CSMD3: variants seen among roughly 807,000 people sequenced by gnomAD.
The protein encoded by CSMD3 is CUB and sushi domain-containing protein 3.
In CSMD3, 177 loss-of-function variants were observed where a neutral mutation model predicts 435.2. The observed-to-expected ratio is 0.41, with a 90% CI of 0.36 to 0.46. The LOEUF is 0.46. CSMD3 is among the 20% of genes least tolerant of loss of function. The pLI is 0.34. For synonymous variants in CSMD3, 1,656 were observed against 1,520.5 expected (o/e 1.09, Z -2.07); for missense variants, 4,265 against 4,504.6 (o/e 0.95, Z 1.52).
intron 13 of CSMD3, among the ~76,000 whole-genome samples, chr8:112,720,316 TTTTCTTTTC>T (rs1345859368): frequency 2.9e-5 from 2 of 69,770 alleles, no homozygotes; most frequent in African/African-American, 9.5e-5. Context: ...TTTTCTTTTC[TTTTCTTTTC>T]TTTTTTTTTC....
At chr8:112,353,609 A>T (rs1316647459) in intron 38 of CSMD3, among the ~76,000 whole-genome samples, 1 of 152,186 alleles carries the variant, frequency 6.6e-6, no homozygotes, top group South Asian at 2.1e-4. Flanking sequence ...TCTAGAGTCA[A>T]TGAATAAATC....
At chr8:112,951,911 AAG>A (rs1251597556) in intron 8 of CSMD3, among the ~76,000 whole-genome samples, 1 of 151,246 alleles carries the variant, frequency 6.6e-6, no homozygotes, top group African/African-American at 2.4e-5. Flanking sequence ...TTTGAAGAAA[AAG>A]AAAGAAAACA....
chr8:113,284,223 C>A (rs1239741105), intron 2 of CSMD3, among the ~76,000 whole-genome samples: 2 of 151,940 alleles, frequency 1.3e-5, no homozygotes, highest in Non-Finnish European at 2.9e-5. Context: ...TACCCCAATA[C>A]TTATGGAAAA....
At chr8:113,148,955 A>G (rs2091742259) in intron 4 of CSMD3, among the ~76,000 whole-genome samples, 1 of 151,780 alleles carries the variant, frequency 6.6e-6, no homozygotes, top group South Asian at 2.1e-4. Context: ...ATACATATAT[A>G]CATATATATG....
chr8:112,650,113 TTTTCTGTTTATAAATCAGC>T (rs762608637), intron 19 of CSMD3, 29 bp downstream of exon 19: 1 of 1,341,808 alleles, frequency 7.5e-7, no homozygotes, highest in Non-Finnish European at 1.1e-6. Context: ...CTACATTGAT[TTTTCTGTTTATAAATCAGC>T]ATATTTTGCA....
At chr8:112,783,789 G>C (rs1371123380) in intron 13 of CSMD3, among the ~76,000 whole-genome samples, 3 of 151,342 alleles carry the variant, frequency 2.0e-5, no homozygotes, top group African/African-American at 7.3e-5. Flanking sequence ...AGCAGGAGTG[G>C]CTATACTTAT....
intron 9 of CSMD3, among the ~76,000 whole-genome samples, chr8:112,925,689 G>T (rs572186937): frequency 3.3e-5 from 5 of 152,148 alleles, no homozygotes; most frequent in Non-Finnish European, 7.4e-5. Context: ...GATAAAGAAG[G>T]TAGGAAGAAA....
At chr8:112,359,074 A>C (rs1054020892) in intron 38 of CSMD3, among the ~76,000 whole-genome samples, 5 of 152,132 alleles carry the variant, frequency 3.3e-5, no homozygotes, top group African/African-American at 1.2e-4. Context: ...ATTATTAAAA[A>C]CTTTTCATCT....
chr8:112,982,064 G>C (rs138129644), intron 6 of CSMD3, among the ~76,000 whole-genome samples: 2 of 151,766 alleles, frequency 1.3e-5, no homozygotes, highest in African/African-American at 4.8e-5. Context: ...TCAAAAGATC[G>C]TTTCTTGCTT....
intron 23 of CSMD3, among the ~76,000 whole-genome samples, chr8:112,586,334 A>G (rs1167895592): frequency 6.6e-6 from 1 of 151,508 alleles, no homozygotes; most frequent in African/African-American, 2.4e-5. Context: ...AAAAACATTT[A>G]AATGTGATTT....
chr8:113,400,657 C>G (rs1393959554), intron 1 of CSMD3, among the ~76,000 whole-genome samples: 3 of 151,786 alleles, frequency 2.0e-5, no homozygotes, highest in Non-Finnish European at 3.0e-5. Context: ...CCAATTATTT[C>G]ATGAGGATAT....
In CSMD3 at chr8:112,663,325, T is replaced by C. The variant is rs1383302450; in HGVS notation, c.2816+2952A>G. The stretch of plus-strand genomic sequence containing the variant: ...GCAGCCATAAAAAATGATGAGTTCA[T>C]GTCCTTTGTAGGGACATGGATGAAG... On this transcript the variant is annotated intron_variant, in intron 17 of 70. Transcript: ENST00000297405. Among the ~76,000 whole-genome samples the C allele has an allele frequency of 2.0e-5, 3 of 152,048 alleles. No homozygotes were observed. In the East Asian group the frequency reaches 5.8e-4, roughly 29 times the overall value.
intron 27 of CSMD3, among the ~76,000 whole-genome samples, chr8:112,537,379 G>T (rs1308303802): frequency 6.8e-6 from 1 of 146,654 alleles, no homozygotes; most frequent in Non-Finnish European, 1.5e-5. Flanking sequence ...TAGAAGGAAA[G>T]AAATTATAAA....
intron 5 of CSMD3, among the ~76,000 whole-genome samples, chr8:113,075,954 G>C (rs924696007): frequency 6.6e-6 from 1 of 151,684 alleles, no homozygotes; most frequent in African/African-American, 2.4e-5. Flanking sequence ...TAATAGACTA[G>C]GTGATTTAAA....
intron 32 of CSMD3, among the ~76,000 whole-genome samples, chr8:112,438,963 A>G (rs577809870): frequency 6.6e-6 from 1 of 152,238 alleles, no homozygotes; most frequent in African/African-American, 2.4e-5. Context: ...GCCCTTAGTC[A>G]TTGTCTTGTA....
chr8:112,433,468 C>T (rs543695284), intron 32 of CSMD3, among the ~76,000 whole-genome samples: 1 of 151,252 alleles, frequency 6.6e-6, no homozygotes, highest in African/African-American at 2.4e-5. Flanking sequence ...CCAGCCTGGG[C>T]AACATAGTAA....
chr8:112,394,566 CTG>C (rs1830712091), intron 35 of CSMD3, among the ~76,000 whole-genome samples: 2 of 152,184 alleles, frequency 1.3e-5, no homozygotes, highest in Admixed American at 1.3e-4. Context: ...GTTCCAGACA[CTG>C]TGGCTTGAAC....
At chr8:112,842,399 GAGTGTGTGTTATCTGCACCGT>G in intron 11 of CSMD3, among the ~76,000 whole-genome samples, 2 of 151,904 alleles carry the variant, frequency 1.3e-5, no homozygotes, top group East Asian at 3.9e-4. Context: ...AAATGTATGA[GAGTGTGTGTTATCTGCACCGT>G]AGGAAACTAA....
chr8:113,417,172 AG>A (rs2094585479), intron 1 of CSMD3, among the ~76,000 whole-genome samples: 1 of 152,028 alleles, frequency 6.6e-6, no homozygotes, highest in Non-Finnish European at 1.5e-5. Flanking sequence ...GTCCTCCAAA[AG>A]AATCTCATGC....
Sources: allele counts gnomAD v4.1 joint callset (sites outside exome capture counted in the v4.1 genomes callset), GRCh38; gene constraint gnomAD v4.1.1; transcripts MANE v1.5; gene names NCBI Gene and HGNC (gene_info 2026-07-23, HGNC 2026-07-21).